The following ST3GAL1 variants were observed in gnomAD, a reference collection of about 807,000 sequenced individuals.
ST3GAL1 encodes CMP-N-acetylneuraminate-beta-galactosamide-alpha-2,3-sialyltransferase 1.
In ST3GAL1, 16 loss-of-function variants were observed where a neutral mutation model predicts 34.1. That is an observed-to-expected ratio of 0.47 (90% CI 0.32 to 0.71). The LOEUF is 0.71. Among genes scored for constraint, ST3GAL1 ranks in the 30% least tolerant of loss-of-function variants. The pLI, the probability that ST3GAL1 is intolerant of heterozygous loss-of-function variation, is 0.04. For missense variants in ST3GAL1, 353 were observed against 447.4 expected (o/e 0.79, Z 1.90); for synonymous variants, 191 against 184.7 (o/e 1.03, Z -0.28).
intron 2 of ST3GAL1, among the ~76,000 whole-genome samples, chr8:133,506,176 G>C (rs763710214): frequency 6.6e-6 from 1 of 151,986 alleles, no homozygotes; most frequent in Non-Finnish European, 1.5e-5. Flanking sequence ...ACAGGTTCTG[G>C]GCCAGACTGA....
At chr8:133,500,717 A>T (rs1817122935) in intron 2 of ST3GAL1, among the ~76,000 whole-genome samples, 2 of 152,170 alleles carry the variant, frequency 1.3e-5, no homozygotes, top group African/African-American at 4.8e-5. Flanking sequence ...GATTAAGAGG[A>T]TCAATGAATA....
At chr8:133,504,887 T>C (rs934236124) in intron 2 of ST3GAL1, among the ~76,000 whole-genome samples, 2 of 152,114 alleles carry the variant, frequency 1.3e-5, no homozygotes, top group Non-Finnish European at 2.9e-5. Context: ...TTTTTGTTTT[T>C]TCGGGGGATC....
chr8:133,527,939 C>T (rs916799840), intron 2 of ST3GAL1, among the ~76,000 whole-genome samples: 3 of 151,634 alleles, frequency 2.0e-5, no homozygotes, highest in African/African-American at 7.3e-5. Flanking sequence ...CTTTGGGAGG[C>T]CAAAGTGGGC....
chr8:133,515,853 A>T (rs186297889), intron 2 of ST3GAL1: 1 of 152,110 alleles, frequency 6.6e-6, no homozygotes, highest in East Asian at 1.9e-4. Context: ...TATTATGTCT[A>T]TTTTTTTGGT....
In ST3GAL1 at chr8:133,523,602, G is replaced by T. The variant is rs151051745; in HGVS notation, c.-429+22172C>A. ...ATGGAATGGCCACTTGTCCTGCTCT[G>T]TGACAAAGCAAAGTCGACTCTCATG... On this transcript the variant is annotated intron_variant, in intron 2 of 9. Transcript: ENST00000522652. 1.6e-3 allele frequency among the ~76,000 whole-genome samples: 246 copies of T among 152,336 alleles called. 1 individual carries two copies. Among genetic ancestry groups the T allele is most frequent in the African/African-American group, 5.4e-3 (224 of 41,580 alleles).
intron 2 of ST3GAL1, among the ~76,000 whole-genome samples, chr8:133,532,725 C>T (rs1189544574): frequency 6.6e-6 from 1 of 152,130 alleles, no homozygotes; most frequent in Non-Finnish European, 1.5e-5. Flanking sequence ...CAGTGGTGTT[C>T]TGAGGAGGAC....
At chr8:133,550,546 C>G (rs1237559101) in intron 1 of ST3GAL1, among the ~76,000 whole-genome samples, 1 of 152,158 alleles carries the variant, frequency 6.6e-6, no homozygotes, top group Non-Finnish European at 1.5e-5. Flanking sequence ...CTTCCTAATA[C>G]CAGGCGAATT....
At chr8:133,520,405 C>T (rs1208955610) in intron 2 of ST3GAL1, among the ~76,000 whole-genome samples, 1 of 152,196 alleles carries the variant, frequency 6.6e-6, no homozygotes, top group Non-Finnish European at 1.5e-5. Context: ...CTTCAAAATG[C>T]TCCTAGTTGT....
chr8:133,502,920 G>A (rs1041199275), intron 2 of ST3GAL1, among the ~76,000 whole-genome samples: 1 of 152,226 alleles, frequency 6.6e-6, no homozygotes, highest in East Asian at 1.9e-4. Context: ...GCTTGGCCAT[G>A]TCACTTGCTT....
intron 2 of ST3GAL1, among the ~76,000 whole-genome samples, chr8:133,529,827 C>A (rs930843025): frequency 5.3e-5 from 8 of 152,156 alleles, no homozygotes; most frequent in African/African-American, 1.9e-4. Flanking sequence ...CCCCAGACAC[C>A]CACGTGGACA....
At chr8:133,475,695 C>A (rs1228276452) in intron 5 of ST3GAL1, 24 bp downstream of exon 5, 1 of 1,553,940 alleles carries the variant, frequency 6.4e-7, no homozygotes, top group Non-Finnish European at 8.7e-7. Flanking sequence ...TCAGCCCAGA[C>A]CCCGCTCTCA....
At chr8:133,460,523 C>G (rs147344616) in intron 9 of ST3GAL1, among the ~76,000 whole-genome samples, 1 of 152,222 alleles carries the variant, frequency 6.6e-6, no homozygotes, top group Non-Finnish European at 1.5e-5. Flanking sequence ...CTAGACCAGG[C>G]CTTTCACATA....
chr8:133,552,603 CCA>C (rs912544925), intron 1 of ST3GAL1, among the ~76,000 whole-genome samples: 8 of 152,150 alleles, frequency 5.3e-5, no homozygotes, highest in Non-Finnish European at 2.9e-5. Flanking sequence ...CCCAGGGACT[CCA>C]GAGGCCAACT....
rs1316598436 is a variant in ST3GAL1, at chr8:133,570,286, T to G, written c.-582+1407A>C. ...GGGAGAAGTCGGGAGAGGCCAGGGGTGCCCGGAAACAATCACGAGAAAGCC... is the reference window on the plus strand; with the variant it reads ...GGGAGAAGTCGGGAGAGGCCAGGGGGGCCCGGAAACAATCACGAGAAAGCC... On this transcript the variant is annotated intron_variant, in intron 1 of 9. Transcript: ENST00000522652. The surrounding 1 kb of genome is among the most constrained non-coding windows in gnomAD (Gnocchi z 5.6). 6.6e-6 allele frequency: 1 copy of G among 152,132 alleles called. No homozygotes were observed. The highest frequency in any genetic ancestry group is 6.5e-5 in the Admixed American group (1 of 15,274). The allele number at this position is 152,132 out of a possible 1,614,324, so 9.4% of individuals were successfully genotyped here. A position where few individuals can be genotyped will look rare whatever the true frequency, so the allele number is the denominator to read the frequency against.
chr8:133,503,445 T>C (rs1297657000), intron 2 of ST3GAL1, among the ~76,000 whole-genome samples: 1 of 152,082 alleles, frequency 6.6e-6, no homozygotes, highest in Non-Finnish European at 1.5e-5. Context: ...ACAATTAGGA[T>C]CCACTGTCTG....
intron 1 of ST3GAL1, among the ~76,000 whole-genome samples, chr8:133,549,535 C>G (rs1331079387): frequency 6.6e-6 from 1 of 152,178 alleles, no homozygotes; most frequent in African/African-American, 2.4e-5. Context: ...GCCTAAGACT[C>G]TTCATGAAGC....
intron 2 of ST3GAL1, among the ~76,000 whole-genome samples, chr8:133,517,641 C>T (rs1176790503): frequency 2.0e-5 from 3 of 152,346 alleles, no homozygotes; most frequent in South Asian, 2.1e-4. Flanking sequence ...TGAGCCAACG[C>T]GCCCGGCCCA....
chr8:133,459,976 G>A lies in ST3GAL1; in HGVS notation c.850-39C>T, dbSNP rs1281268071. The A allele has an allele frequency of 4.5e-6, 7 of 1,564,886 alleles. No individual in the cohort carries two copies. The highest frequency in any genetic ancestry group is 6.1e-6 in the Non-Finnish European group (7 of 1,151,064). On this transcript the variant is annotated intron_variant, in intron 9 of 9. Coordinates refer to ENST00000522652, the MANE Select transcript of ST3GAL1 (RefSeq NM_173344.3). This position sits in a 1 kb window ranked among gnomAD's most constrained non-coding sequence, Gnocchi z 4.7. ...GCAAAGATGAGAACCAGACAGCAGG[G>A]CTGCTGGTGGCACCTCTGAGAAAGG...
chr8:133,535,409 G>A (rs1818278573), intron 2 of ST3GAL1, among the ~76,000 whole-genome samples: 1 of 151,952 alleles, frequency 6.6e-6, no homozygotes, highest in African/African-American at 2.4e-5. Context: ...TTATTTTTTT[G>A]TTGTTATTGT....
Sources: allele counts gnomAD v4.1 joint callset (sites outside exome capture counted in the v4.1 genomes callset), GRCh38; gene constraint gnomAD v4.1.1; non-coding constraint Gnocchi (gnomAD v3.1); transcripts MANE v1.5; gene names NCBI Gene and HGNC (gene_info 2026-07-23, HGNC 2026-07-21).